The following CFAP20 variants were observed in gnomAD, a reference collection of about 807,000 sequenced individuals.
The protein encoded by CFAP20 is cilia and flagella associated protein 20.
In CFAP20, 14 loss-of-function variants were observed where a neutral mutation model predicts 25.5. That is an observed-to-expected ratio of 0.55 (90% confidence interval 0.36 to 0.86). CFAP20 has a LOEUF of 0.86. CFAP20 is among the 40% of genes least tolerant of loss of function. CFAP20 has a pLI of 0.01. For missense variants in CFAP20, 181 were observed against 248.0 expected, an observed-to-expected ratio of 0.73 and a Z score of 1.81; for synonymous variants, 75 against 91.1, an observed-to-expected ratio of 0.82 and a Z score of 1.01.
chr16:58,115,153 A>G (rs943304173), intron 4 of CFAP20, 116 bp downstream of exon 4: 37 of 1,404,088 alleles, frequency 2.6e-5, no homozygotes, highest in Non-Finnish European at 3.7e-5. Flanking sequence ...CTCCCTGGAC[A>G]GTGTGGCAAC....
At chr16:58,115,644 T>C (rs1960447690) in intron 3 of CFAP20, 187 bp from the exon 4 acceptor site, 2 of 658,108 alleles carry the variant, frequency 3.0e-6, no homozygotes, top group East Asian at 5.5e-5. Context: ...TTTATCTTGT[T>C]TGTTGCCAAG....
intron 4 of CFAP20, 78 bp downstream of exon 4, chr16:58,115,191 T>C (rs1234948918): frequency 1.9e-6 from 3 of 1,561,618 alleles, no homozygotes; most frequent in Non-Finnish European, 2.6e-6. Context: ...ACTGTTCTGC[T>C]ATGTGGGCCA....
At position 58,127,802 on chromosome 16, in the gene CFAP20, C is replaced by G. The variant is rs182947520; in HGVS notation, c.84+1230G>C. 1.3e-4 allele frequency among the ~76,000 whole-genome samples: 20 copies of G among 152,308 alleles called. No individual in the cohort carries two copies. In the East Asian group the frequency reaches 2.7e-3, roughly 21 times the overall value. On this transcript the variant is annotated intron_variant, in intron 1 of 5. Transcript: ENST00000262498. ...AAAGTAACACTATGGACACACCATC[C>G]TAAAAGCTGCCCTCAGAACGCAGAG...
At chr16:58,115,184 G>A (rs1960440397) in intron 4 of CFAP20, 85 bp downstream of exon 4, 1 of 1,550,666 alleles carries the variant, frequency 6.4e-7, no homozygotes, top group South Asian at 1.1e-5. Flanking sequence ...AACCCACACT[G>A]TTCTGCTATG....
At chr16:58,124,801 C>T (rs147767982) in intron 1 of CFAP20, among the ~76,000 whole-genome samples, 2 of 152,276 alleles carry the variant, frequency 1.3e-5, no homozygotes, top group East Asian at 3.9e-4. Flanking sequence ...TGCTACAATA[C>T]ATTTATTTTA....
chr16:58,114,764 T>G (rs759969988), intron 5 of CFAP20, 46 bp downstream of exon 5: 1 of 1,472,342 alleles, frequency 6.8e-7, no homozygotes, highest in East Asian at 2.3e-5. Flanking sequence ...GGAACACAGC[T>G]CCCCCCACTC....
intron 1 of CFAP20, among the ~76,000 whole-genome samples, chr16:58,120,480 C>T (rs929105161): frequency 6.6e-6 from 1 of 152,192 alleles, no homozygotes; most frequent in Non-Finnish European, 1.5e-5. Flanking sequence ...AGGGAATCTG[C>T]CTTCTGCCCA....
chr16:58,120,613 A>G (rs751823647), intron 1 of CFAP20, among the ~76,000 whole-genome samples: 1 of 152,260 alleles, frequency 6.6e-6, no homozygotes, highest in Non-Finnish European at 1.5e-5. Flanking sequence ...GATAGACTGT[A>G]GTATTCCTGC....
chr16:58,127,439 A>T (rs1239339762), intron 1 of CFAP20, among the ~76,000 whole-genome samples: 2 of 152,204 alleles, frequency 1.3e-5, no homozygotes, highest in Admixed American at 6.5e-5. Flanking sequence ...CAGTTTCCAA[A>T]TTCCACTGGC....
At chr16:58,123,965 C>A (rs1475443310) in intron 1 of CFAP20, among the ~76,000 whole-genome samples, 11 of 152,164 alleles carry the variant, frequency 7.2e-5, no homozygotes, top group Non-Finnish European at 1.5e-4. Flanking sequence ...TGAACTGTGA[C>A]TGGAGCCTAA....
chr16:58,126,138 T>G (rs1412691728), intron 1 of CFAP20, among the ~76,000 whole-genome samples: 1 of 152,220 alleles, frequency 6.6e-6, no homozygotes, highest in East Asian at 1.9e-4. Context: ...CCAAGGTGTC[T>G]GACCACGCCC....
At position 58,129,355 on chromosome 16, in the gene CFAP20, G is replaced by A. The variant is rs1960680044; in HGVS notation, c.-240C>T. On this transcript the variant is annotated 5_prime_UTR_variant, in exon 1 of 6. Coordinates refer to ENST00000262498, the MANE Select transcript of CFAP20 (RefSeq NM_013242.3). Reference sequence around the variant, plus strand: ...ACGGAAACCACAGCAACTACCGTCCGCGCCGCGGTATTTCCCCGCCTTCAA... The same window carrying A: ...ACGGAAACCACAGCAACTACCGTCCACGCCGCGGTATTTCCCCGCCTTCAA... The A allele has an allele frequency of 8.1e-6, 4 of 492,440 alleles. No individual in the cohort carries two copies. The South Asian group carries it at 1.2e-4, about 15-fold the overall frequency. The allele number at this position is 492,440 out of a possible 1,614,324, so 30.5% of individuals were successfully genotyped here.
In CFAP20 at chr16:58,124,830, G is replaced by GACTAAATAAA. The variant is rs1389616774; in HGVS notation, c.84+4201_84+4202insTTTATTTAGT. Among the ~76,000 whole-genome samples the GACTAAATAAA allele has an allele frequency of 2.6e-5, 4 of 151,944 alleles. No individual in the cohort carries two copies. In the East Asian group the frequency reaches 5.8e-4, roughly 22 times the overall value. On this transcript the variant is annotated intron_variant, in intron 1 of 5. Coordinates refer to ENST00000262498, the MANE Select transcript of CFAP20 (RefSeq NM_013242.3). Reference sequence around the variant, plus strand: ...TATTTTATTTAGTTATTTAGTTAGTGCTGGGATTACAGGCATGAGCCACTG... The same window carrying GACTAAATAAA: ...TATTTTATTTAGTTATTTAGTTAGTGACTAAATAAACTGGGATTACAGGCATGAGCCACTG...
intron 1 of CFAP20, chr16:58,117,162 G>T: frequency 1.8e-6 from 1 of 542,448 alleles, no homozygotes; most frequent in Non-Finnish European, 3.3e-6. Flanking sequence ...CCCTAAATCT[G>T]GGGAAACTTC....
rs1194512395 is a variant in CFAP20, at chr16:58,129,013, T to C, written c.84+19A>G. ...GGTGCAGCCCCTCCACCCCGCCCCG[T>C]CGCCGCCCCTAGCCCGACCTTTTTG... On this transcript the variant is annotated intron_variant, in intron 1 of 5. Transcript: ENST00000262498. 8.5e-6 allele frequency: 13 copies of C among 1,528,370 alleles called. No individual in the cohort carries two copies. The highest frequency in any genetic ancestry group is 1.1e-5 in the Non-Finnish European group (12 of 1,114,860). 94.7% of individuals were successfully genotyped at this position (1,528,370 alleles called of 1,614,324 possible).
Position 58,114,776 on chromosome 16 carries a change from CT to C in CFAP20, c.576+33del, listed in dbSNP as rs1465319214. 3 of 1,542,102 alleles carry C rather than the reference CT, an allele frequency of 1.9e-6. No individual in the cohort carries two copies. The African/African-American group carries it at 4.1e-5, about 21-fold the overall frequency. Reference sequence around the variant, plus strand: ...CCAGGAACACAGCTCCCCCCACTCACTGGTGGACCTTCCTCTGGGGAAGACT... The same window carrying C: ...CCAGGAACACAGCTCCCCCCACTCACGGTGGACCTTCCTCTGGGGAAGACT... On this transcript the variant is annotated intron_variant, in intron 5 of 5. Transcript: ENST00000262498.
chr16:58,123,958 A>C (rs75119936), intron 1 of CFAP20, among the ~76,000 whole-genome samples: 23,117 of 152,106 alleles, frequency 0.15, 2,247 homozygotes, highest in East Asian at 0.36. Flanking sequence ...AGGCCTTTGA[A>C]CTGTGACTGG....
chr16:58,116,917 T>C lies in CFAP20; in HGVS notation c.119A>G (p.Asn40Ser), dbSNP rs900080525. ...RNGHIKRITDNDIQSLVLEIE... is the reference protein window; with the variant it reads ...RNGHIKRITDSDIQSLVLEIE... ...CTCTAGCACCAGGGACTGGATGTCATTATCAGTGATTCTTTTGATGTGGCC... is the reference window on the plus strand; with the variant it reads ...CTCTAGCACCAGGGACTGGATGTCACTATCAGTGATTCTTTTGATGTGGCC... Residue 40 changes from asparagine to serine, a missense_variant, in exon 2 of 6, where the codon AAT (asparagine) becomes AGT (serine). Asn to Ser is a conservative substitution (Grantham distance 46, BLOSUM62 1). Transcript: ENST00000262498. 2 of 1,614,216 alleles carry C rather than the reference T, an allele frequency of 1.2e-6. No individual in the cohort carries two copies. The highest frequency in any genetic ancestry group is 1.7e-6 in the Non-Finnish European group (2 of 1,180,028).
At chr16:58,122,059 C>A (rs1960540803) in intron 1 of CFAP20, among the ~76,000 whole-genome samples, 1 of 152,208 alleles carries the variant, frequency 6.6e-6, no homozygotes, top group South Asian at 2.1e-4. Context: ...GGGTTAAGGG[C>A]TGGGTTCCCA....
Sources: allele counts gnomAD v4.1 joint callset (sites outside exome capture counted in the v4.1 genomes callset), GRCh38; gene constraint gnomAD v4.1.1; transcripts MANE v1.5; gene names NCBI Gene and HGNC (gene_info 2026-07-23, HGNC 2026-07-21).